Variants in MAST3 observed in about 807,000 individuals in gnomAD.
MAST3 encodes the protein microtubule-associated serine/threonine-protein kinase 3.
MAST3 carries 43 observed loss-of-function variants against 127.0 expected under a neutral mutation model. The ratio of observed to expected loss-of-function variants is 0.34; its 90% CI spans 0.27 to 0.44. The LOEUF is 0.44. Among genes scored for constraint, MAST3 ranks in the 20% least tolerant of loss-of-function variants. MAST3 has a pLI of 1.00. For synonymous variants in MAST3, 785 were observed against 809.2 expected (o/e 0.97, Z 0.51); for missense variants, 1,390 against 1,919.1 (o/e 0.72, Z 5.15).
intron 18 of MAST3, among the ~76,000 whole-genome samples, chr19:18,136,757 C>T (rs1238267563): frequency 6.6e-6 from 1 of 151,846 alleles, no homozygotes; most frequent in Admixed American, 6.6e-5. Flanking sequence ...TGGCTTCGTC[C>T]CTCTCCAGGC....
chr19:18,110,242 C>T lies in MAST3; in HGVS notation c.72-410C>T, dbSNP rs1314486812. 29 of 985,420 alleles carry T rather than the reference C, an allele frequency of 2.9e-5. No homozygotes were observed. The highest frequency in any genetic ancestry group is 3.5e-5 in the Non-Finnish European group (29 of 830,014). The allele number at this position is 985,420 out of a possible 1,614,324, so 61.0% of individuals were successfully genotyped here. A position where few individuals can be genotyped will look rare whatever the true frequency, so the allele number is the denominator to read the frequency against. On this transcript the variant is annotated intron_variant, in intron 2 of 27. Transcript: ENST00000687212. This position sits in a 1 kb window ranked among gnomAD's most constrained non-coding sequence, Gnocchi z 4.3. Reference sequence around the variant, plus strand: ...CCGTGTGTCCGTCCGTCGGTCCGCTCGCGCCACGATCAGGGCTTCCGGGGG... The same window carrying T: ...CCGTGTGTCCGTCCGTCGGTCCGCTTGCGCCACGATCAGGGCTTCCGGGGG...
At chr19:18,139,487 G>T (rs781726788) in intron 20 of MAST3, among the ~76,000 whole-genome samples, 1 of 151,832 alleles carries the variant, frequency 6.6e-6, no homozygotes, top group Admixed American at 6.6e-5. Flanking sequence ...GTCACGCCCA[G>T]CTAATTTTTG....
chr19:18,124,544 G>T lies in MAST3; in HGVS notation c.946-98G>T, dbSNP rs558218576. 8.6e-3 allele frequency: 12,549 copies of T among 1,460,656 alleles called. 88 individuals are homozygous for T. The highest frequency in any genetic ancestry group is 0.01 in the Non-Finnish European group (11,288 of 1,083,274). 90.5% of individuals were successfully genotyped at this position (1,460,656 alleles called of 1,614,324 possible). A position where few individuals can be genotyped will look rare whatever the true frequency, so the allele number is the denominator to read the frequency against. Reference sequence around the variant, plus strand: ...AGGCAGCGGGAGTGGAGACCCAGTGGGTGAGCTGGGAAGGGTGCTCCAGGC... The same window carrying T: ...AGGCAGCGGGAGTGGAGACCCAGTGTGTGAGCTGGGAAGGGTGCTCCAGGC... On this transcript the variant is annotated intron_variant, in intron 10 of 27. Coordinates refer to ENST00000687212, the MANE Select transcript of MAST3 (RefSeq NM_001393504.1).
chr19:18,097,813 G>C lies in MAST3; in HGVS notation c.21G>C (p.Leu7=). The part of the protein sequence containing the change: MDESSL[L]RRRGLQKELS... Reference sequence around the variant, plus strand: ...GGGCCATGGACGAGTCGAGCCTCCTGCGGCGCCGCGGGCTCCAGGTGAGGC... The same window carrying C: ...GGGCCATGGACGAGTCGAGCCTCCTCCGGCGCCGCGGGCTCCAGGTGAGGC... Residue 7 remains leucine, a synonymous_variant, in exon 1 of 28, where the codon CTG becomes CTC. Transcript: ENST00000687212. The C allele has an allele frequency of 8.2e-7, 1 of 1,226,618 alleles. No homozygotes were observed. Among genetic ancestry groups the C allele is most frequent in the Non-Finnish European group, 1.0e-6 (1 of 984,882 alleles). 76.0% of individuals were successfully genotyped at this position (1,226,618 alleles called of 1,614,324 possible). A position where few individuals can be genotyped will look rare whatever the true frequency, so the allele number is the denominator to read the frequency against.
intron 3 of MAST3, among the ~76,000 whole-genome samples, chr19:18,115,245 G>A (rs2039090429): frequency 6.6e-6 from 1 of 152,114 alleles, no homozygotes; most frequent in Non-Finnish European, 1.5e-5. Flanking sequence ...AGGCCCTCTG[G>A]ATTGTCAGCT....
intron 14 of MAST3, 120 bp downstream of exon 14, chr19:18,130,822 TG>T: frequency 1.9e-6 from 2 of 1,045,080 alleles, no homozygotes; most frequent in Admixed American, 4.4e-5. Flanking sequence ...CACCCTGCTT[TG>T]GGGAACCCTC....
chr19:18,109,964 C>T lies in MAST3; in HGVS notation c.72-688C>T, dbSNP rs536420271. 333 of 985,342 alleles carry T rather than the reference C, an allele frequency of 3.4e-4. No individual in the cohort carries two copies. The African/African-American group carries it at 5.3e-3, about 16-fold the overall frequency. 61.0% of individuals were successfully genotyped at this position (985,342 alleles called of 1,614,324 possible). On this transcript the variant is annotated intron_variant, in intron 2 of 27. Coordinates refer to ENST00000687212, the MANE Select transcript of MAST3 (RefSeq NM_001393504.1). ...CAGGCCATGGAGCAATCGCGCGGAC[C>T]GCGGAGCCAGTGACCGCCCTTCCCT...
At chr19:18,141,783 TG>T in intron 20 of MAST3, 98 bp from the exon 21 acceptor site, 2 of 1,031,126 alleles carry the variant, frequency 1.9e-6, no homozygotes, top group Non-Finnish European at 2.5e-6. Flanking sequence ...CTCAAACTCC[TG>T]GGCTCAAGTG....
intron 3 of MAST3, among the ~76,000 whole-genome samples, chr19:18,118,616 G>A (rs762909756): frequency 1.3e-5 from 2 of 152,210 alleles, no homozygotes; most frequent in Non-Finnish European, 2.9e-5. Flanking sequence ...CAGCAGAAAT[G>A]TTGGCTCAGA....
intron 8 of MAST3, 49 bp from the exon 9 acceptor site, chr19:18,123,890 C>A: frequency 6.7e-7 from 1 of 1,497,484 alleles, no homozygotes; most frequent in South Asian, 1.2e-5. Flanking sequence ...CTGCGTGTGT[C>A]ACTCCAGCCC....
intron 20 of MAST3, among the ~76,000 whole-genome samples, chr19:18,140,169 C>A (rs971854564): frequency 6.6e-6 from 1 of 151,948 alleles, no homozygotes; most frequent in African/African-American, 2.4e-5. Flanking sequence ...CACTTGAGGT[C>A]AGGAGTTCAA....
Position 18,141,158 on chromosome 19 carries a change from A to G in MAST3, c.2206-724A>G, listed in dbSNP as rs557832577. ...TCCCTACTTTTTTTATGATCTGATCAAAAAATGCTCCACTCTGCTTTAGGC... is the reference window on the plus strand; with the variant it reads ...TCCCTACTTTTTTTATGATCTGATCGAAAAATGCTCCACTCTGCTTTAGGC... On this transcript the variant is annotated intron_variant, in intron 20 of 27. Coordinates refer to ENST00000687212, the MANE Select transcript of MAST3 (RefSeq NM_001393504.1). 2.0e-5 allele frequency among the ~76,000 whole-genome samples: 3 copies of G among 152,228 alleles called. No homozygotes were observed. The East Asian group carries it at 5.8e-4, about 29-fold the overall frequency.
rs554428450 is a variant in MAST3 at position 18,102,463 on chromosome 19, G to A, written c.39+4632G>A. On this transcript the variant is annotated intron_variant, in intron 1 of 27. Transcript: ENST00000687212. Reference sequence around the variant, plus strand: ...CAAAGTCCTGGGATTACAGGCATGAGCCACTGCGCCCGGCCACCTTTTTTT... The same window carrying A: ...CAAAGTCCTGGGATTACAGGCATGAACCACTGCGCCCGGCCACCTTTTTTT... Among the ~76,000 whole-genome samples, 14 of 150,350 alleles carry A rather than the reference G, an allele frequency of 9.3e-5. No homozygotes were observed. In the South Asian group the frequency reaches 2.9e-3, roughly 32 times the overall value.
chr19:18,127,837 T>C (rs532938140), intron 11 of MAST3, among the ~76,000 whole-genome samples: 2 of 90,046 alleles, frequency 2.2e-5, no homozygotes, highest in African/African-American at 6.2e-5. Flanking sequence ...CCAGCCTGGG[T>C]GACAGAGCGA....
chr19:18,147,486 C>A lies in MAST3; in HGVS notation c.3370C>A (p.Leu1124Met). The A allele has an allele frequency of 6.2e-7, 1 of 1,613,256 alleles. No individual in the cohort carries two copies. Among genetic ancestry groups the A allele is most frequent in the Non-Finnish European group, 8.5e-7 (1 of 1,179,654 alleles). ...GAAGATCTCCAAGCAGACCTCCGTGCTGCACACCAGCCGCAGCTTCTCCTC... is the reference window on the plus strand; with the variant it reads ...GAAGATCTCCAAGCAGACCTCCGTGATGCACACCAGCCGCAGCTTCTCCTC... ...FKKISKQTSV[L>M]HTSRSFSSGL... The change falls in exon 27 of 28, where the codon CTG (leucine) becomes ATG (methionine). Residue 1124 changes from leucine to methionine, a missense_variant. Physicochemically the swap from Leu to Met is conservative, Grantham distance 15. This residue lies in a region of MAST3 where 816 missense variants were observed against 934.1 expected (regional missense o/e 0.87). Transcript: ENST00000687212.
chr19:18,128,716 A>C, intron 12 of MAST3, 150 bp from the exon 13 acceptor site: 2 of 691,158 alleles, frequency 2.9e-6, no homozygotes, highest in Admixed American at 2.6e-5. Context: ...GTGAGCAAAA[A>C]AGTACAGAAA....
rs773489625 is a variant in MAST3 at position 18,145,133 on chromosome 19, T to C, written c.2943T>C (p.Val981=). ...PVCGSLRPPI[V]IHSSGKKYGF... ...GTGGCAGCCTGCGGCCCCCCATCGT[T>C]ATCCACAGCTCTGGCAAGAAGTACG... The change falls in exon 24 of 28, where the codon GTT becomes GTC. Residue 981 remains valine (V), a synonymous_variant. Transcript: ENST00000687212. The surrounding 1 kb of genome is among the most constrained non-coding windows in gnomAD (Gnocchi z 5.9). 7 of 1,613,776 alleles carry C rather than the reference T, an allele frequency of 4.3e-6. No individual in the cohort carries two copies. The highest frequency in any genetic ancestry group is 2.5e-6 in the Non-Finnish European group (3 of 1,179,870).
intron 15 of MAST3, 114 bp downstream of exon 15, chr19:18,132,161 G>A: frequency 1.4e-6 from 2 of 1,413,488 alleles, no homozygotes; most frequent in Non-Finnish European, 1.9e-6. Flanking sequence ...GGACCCTTCA[G>A]GAGCCCCATC....
At chr19:18,147,406 AGCAGG>A (rs767080283) in intron 26 of MAST3, 32 bp from the exon 27 acceptor site, 1 of 1,597,710 alleles carries the variant, frequency 6.3e-7, no homozygotes, top group South Asian at 1.1e-5. Flanking sequence ...CCTGGCCAGG[AGCAGG>A]GGTTCTGAAG....
Sources: gnomAD v4.1 joint callset for allele counts (sites outside exome capture counted in the v4.1 genomes callset) on GRCh38, gnomAD v4.1.1 for gene constraint, gnomAD v4.1.1 regional missense constraint, Gnocchi (gnomAD v3.1) non-coding constraint, MANE v1.5 for transcripts, NCBI Gene and HGNC (gene_info 2026-07-23, HGNC 2026-07-21) for gene names.